Variants in TGFA observed in about 807,000 individuals in gnomAD.
TGFA encodes protransforming growth factor alpha.
TGFA carries 12 observed loss-of-function variants against 21.7 expected under a neutral mutation model. The ratio of observed to expected loss-of-function variants is 0.55; its 90% CI spans 0.35 to 0.90. The LOEUF (loss-of-function observed/expected upper bound fraction) is 0.90, where lower values mean the gene tolerates loss of function less well. TGFA is among the 40% of genes least tolerant of loss of function. The pLI is 0.01. For missense variants in TGFA, 178 were observed against 210.8 expected, an observed-to-expected ratio of 0.84 and a Z score of 0.96; for synonymous variants, 79 against 88.1, an observed-to-expected ratio of 0.90 and a Z score of 0.58.
chr2:70,543,701 T>C (rs1160604029), intron 1 of TGFA, among the ~76,000 whole-genome samples: 6 of 152,092 alleles, frequency 3.9e-5, no homozygotes, highest in African/African-American at 1.4e-4. Context: ...AGTAGAAAAT[T>C]TGAACTGACC....
chr2:70,488,544 C>T (rs880002421), intron 2 of TGFA, among the ~76,000 whole-genome samples: 2 of 152,170 alleles, frequency 1.3e-5, no homozygotes, highest in Non-Finnish European at 2.9e-5. Flanking sequence ...TGTACCAGCA[C>T]CAAAGCATTT....
chr2:70,489,221 G>T (rs1039384947), intron 2 of TGFA, among the ~76,000 whole-genome samples: 5 of 152,202 alleles, frequency 3.3e-5, no homozygotes, highest in African/African-American at 4.8e-5. Flanking sequence ...GCAGGTGAGC[G>T]CCTTCTCCCA....
chr2:70,535,612 G>A (rs150928539), intron 1 of TGFA, among the ~76,000 whole-genome samples: 2 of 152,318 alleles, frequency 1.3e-5, no homozygotes, highest in Non-Finnish European at 2.9e-5. Context: ...TGGGATGATA[G>A]CATAGATATT....
At chr2:70,529,943 C>A (rs114415243) in intron 1 of TGFA, among the ~76,000 whole-genome samples, 1,819 of 152,216 alleles carry the variant, frequency 0.012, 38 homozygotes, top group African/African-American at 0.041. Flanking sequence ...AGAAACAGAG[C>A]CAGCAGAACT....
intron 1 of TGFA, among the ~76,000 whole-genome samples, chr2:70,520,299 T>G (rs1439187119): frequency 6.6e-6 from 1 of 152,084 alleles, no homozygotes; most frequent in Non-Finnish European, 1.5e-5. Flanking sequence ...ATAGCATGCC[T>G]TTTACGCCTT....
chr2:70,539,667 C>T (rs1460169158), intron 1 of TGFA, among the ~76,000 whole-genome samples: 1 of 152,146 alleles, frequency 6.6e-6, no homozygotes, highest in Non-Finnish European at 1.5e-5. Context: ...GTTGGCCAGG[C>T]TGGTCTTGAA....
At chr2:70,451,678 G>C in intron 5 of TGFA, 1 of 678,420 alleles carries the variant, frequency 1.5e-6, no homozygotes, top group Middle Eastern at 2.7e-4. Context: ...TTTCTTAAAA[G>C]ATTAAAAACA....
intron 1 of TGFA, among the ~76,000 whole-genome samples, chr2:70,515,764 G>T (rs1313262874): frequency 1.3e-5 from 2 of 152,108 alleles, no homozygotes; most frequent in Non-Finnish European, 2.9e-5. Flanking sequence ...CCCTGCCAGG[G>T]ATAGATCATG....
intron 2 of TGFA, among the ~76,000 whole-genome samples, chr2:70,512,785 G>A (rs1440100976): frequency 6.6e-6 from 1 of 152,196 alleles, no homozygotes; most frequent in Non-Finnish European, 1.5e-5. Flanking sequence ...TGAATGGATG[G>A]AGACTTGGAG....
chr2:70,511,890 T>TACACACAC lies in TGFA; in HGVS notation c.94+2961_94+2968dup, dbSNP rs36084203. Among the ~76,000 whole-genome samples the TACACACAC allele has an allele frequency of 8.1e-3, 1,157 of 143,030 alleles. 13 individuals carry two copies. The highest frequency in any genetic ancestry group is 0.027 in the African/African-American group (1,040 of 38,922). 93.8% of individuals were successfully genotyped at this position (143,030 alleles called of 152,430 possible). On this transcript the variant is annotated intron_variant, in intron 2 of 5. Coordinates refer to ENST00000295400, the MANE Select transcript of TGFA (RefSeq NM_003236.4). Reference sequence around the variant, plus strand: ...GAGAGTTTTACTTATTAGTCATGAATACACACACACACACACACACACACA... The same window carrying TACACACAC: ...GAGAGTTTTACTTATTAGTCATGAATACACACACACACACACACACACACACACACACA...
chr2:70,535,683 A>G (rs782704646), intron 1 of TGFA, among the ~76,000 whole-genome samples: 4 of 152,224 alleles, frequency 2.6e-5, no homozygotes, highest in Non-Finnish European at 4.4e-5. Context: ...TGAAATCCAA[A>G]ACATCCAATT....
chr2:70,523,031 T>C (rs570752444), intron 1 of TGFA, among the ~76,000 whole-genome samples: 8 of 152,332 alleles, frequency 5.3e-5, no homozygotes, highest in Middle Eastern at 3.4e-3. Context: ...TTAAATGATA[T>C]TAAATATTCC....
intron 1 of TGFA, among the ~76,000 whole-genome samples, chr2:70,518,173 G>A (rs1353402038): frequency 1.3e-5 from 2 of 152,216 alleles, no homozygotes; most frequent in African/African-American, 2.4e-5. Flanking sequence ...GTCCTTGCCC[G>A]CCGCAGGCCC....
chr2:70,450,837 C>A lies in TGFA; in HGVS notation c.*22G>T. The A allele has an allele frequency of 6.2e-7, 1 of 1,609,024 alleles. No homozygotes were observed. The highest frequency in any genetic ancestry group is 1.1e-5 in the South Asian group (1 of 89,804). The stretch of plus-strand genomic sequence containing the variant: ...TATTGATCTGCCACAGTCCACCTGG[C>A]CAAACTCCTCCTCTGGGCTCTTCAG... On this transcript the variant is annotated 3_prime_UTR_variant, in exon 6 of 6. Transcript: ENST00000295400.
intron 1 of TGFA, among the ~76,000 whole-genome samples, chr2:70,533,018 C>T (rs561563912): frequency 7.9e-5 from 12 of 151,896 alleles, no homozygotes; most frequent in African/African-American, 1.5e-4. Context: ...CACACAACCA[C>T]GCCCAGCTAA....
intron 2 of TGFA, among the ~76,000 whole-genome samples, chr2:70,505,590 A>G (rs193152632): frequency 6.6e-6 from 1 of 152,266 alleles, no homozygotes; most frequent in East Asian, 1.9e-4. Context: ...GCAAGGAGAC[A>G]TGCTCATTAA....
At chr2:70,476,092 A>AGAAT (rs1670918282) in intron 2 of TGFA, among the ~76,000 whole-genome samples, 1 of 149,792 alleles carries the variant, frequency 6.7e-6, no homozygotes, top group Admixed American at 6.6e-5. Context: ...AAAAAAAAAA[A>AGAAT]AAAAAAAAAA....
intron 2 of TGFA, among the ~76,000 whole-genome samples, chr2:70,508,406 T>C (rs1174953213): frequency 6.6e-6 from 1 of 152,070 alleles, no homozygotes; most frequent in Non-Finnish European, 1.5e-5. Context: ...GATTGCACCA[T>C]TGCACGCTAG....
intron 1 of TGFA, among the ~76,000 whole-genome samples, chr2:70,551,306 T>C (rs139504454): frequency 0.011 from 1,634 of 152,276 alleles, 24 homozygotes; most frequent in African/African-American, 0.037. Flanking sequence ...GATGGAAACC[T>C]GACATGGGAG....
Sources: allele counts gnomAD v4.1 joint callset (sites outside exome capture counted in the v4.1 genomes callset), GRCh38; gene constraint gnomAD v4.1.1; transcripts MANE v1.5; gene names NCBI Gene and HGNC (gene_info 2026-07-23, HGNC 2026-07-21).